GABRG3: variants seen among roughly 807,000 people sequenced by gnomAD.
The protein encoded by GABRG3 is gamma-aminobutyric acid type A receptor subunit gamma3.
In GABRG3, 25 loss-of-function variants were observed where a neutral mutation model predicts 48.8. The ratio of observed to expected loss-of-function variants is 0.51; its 90% confidence interval spans 0.37 to 0.72. The LOEUF is 0.72. Among genes scored for constraint, GABRG3 ranks in the 30% least tolerant of loss-of-function variants. The pLI is 0.00. For missense variants in GABRG3, 394 were observed against 577.9 expected, an observed-to-expected ratio of 0.68 and a Z score of 3.26; for synonymous variants, 227 against 217.6, an observed-to-expected ratio of 1.04 and a Z score of -0.38.
intron 3 of GABRG3, among the ~76,000 whole-genome samples, chr15:27,274,120 T>A (rs1001774070): frequency 6.6e-6 from 1 of 152,124 alleles, no homozygotes; most frequent in South Asian, 2.1e-4. Context: ...ACATAAGCAT[T>A]CCAGGAGGAC....
At chr15:27,124,158 A>ATC (rs1897778538) in intron 3 of GABRG3, among the ~76,000 whole-genome samples, 1 of 152,200 alleles carries the variant, frequency 6.6e-6, no homozygotes, top group Non-Finnish European at 1.5e-5. Flanking sequence ...CTGGGGACAA[A>ATC]TTGCAATGTC....
chr15:27,092,899 T>C (rs1430309733), intron 3 of GABRG3, among the ~76,000 whole-genome samples: 1 of 151,868 alleles, frequency 6.6e-6, no homozygotes, highest in Non-Finnish European at 1.5e-5. Context: ...CAGGGTCTTC[T>C]CCTTGAGTTT....
intron 3 of GABRG3, among the ~76,000 whole-genome samples, chr15:27,235,932 C>T (rs1281919109): frequency 6.6e-6 from 1 of 152,170 alleles, no homozygotes; most frequent in Non-Finnish European, 1.5e-5. Context: ...CCTCCTCTTC[C>T]TGCTGCAGAG....
intron 5 of GABRG3, among the ~76,000 whole-genome samples, chr15:27,375,837 C>A (rs1895577202): frequency 6.6e-6 from 1 of 152,080 alleles, no homozygotes; most frequent in African/African-American, 2.4e-5. Context: ...CACCCCTAGC[C>A]CCTCCGAAAT....
chr15:27,195,322 T>G (rs1186355036), intron 3 of GABRG3, among the ~76,000 whole-genome samples: 1 of 152,198 alleles, frequency 6.6e-6, no homozygotes, highest in East Asian at 1.9e-4. Flanking sequence ...TCTCCCTCTC[T>G]TTCTTTCTTT....
At chr15:26,984,714 G>T (rs1895120121) in intron 2 of GABRG3, among the ~76,000 whole-genome samples, 1 of 152,132 alleles carries the variant, frequency 6.6e-6, no homozygotes, top group African/African-American at 2.4e-5. Flanking sequence ...AAGAGAAATG[G>T]CCTAAGTAAA....
At chr15:26,999,699 T>C (rs1895408712) in intron 2 of GABRG3, among the ~76,000 whole-genome samples, 1 of 152,180 alleles carries the variant, frequency 6.6e-6, no homozygotes. Flanking sequence ...CTCAAATGTA[T>C]ATTTTTCTGG....
intron 3 of GABRG3, among the ~76,000 whole-genome samples, chr15:27,138,551 G>A (rs989041523): frequency 6.6e-5 from 10 of 152,094 alleles, no homozygotes; most frequent in Non-Finnish European, 1.5e-4. Context: ...TTCTGCATGC[G>A]GATTATCCTT....
chr15:27,366,892 G>C (rs1461718333), intron 5 of GABRG3, among the ~76,000 whole-genome samples: 1 of 152,158 alleles, frequency 6.6e-6, no homozygotes, highest in African/African-American at 2.4e-5. Context: ...TGTCTCTGCA[G>C]ATCTGCACCT....
intron 6 of GABRG3, among the ~76,000 whole-genome samples, chr15:27,505,300 G>A (rs1890735841): frequency 6.6e-6 from 1 of 152,064 alleles, no homozygotes; most frequent in Non-Finnish European, 1.5e-5. Flanking sequence ...TGTTAACCTT[G>A]ATCACTTGGT....
intron 3 of GABRG3, among the ~76,000 whole-genome samples, chr15:27,222,125 C>T (rs950026987): frequency 3.3e-5 from 5 of 152,324 alleles, no homozygotes; most frequent in African/African-American, 9.6e-5. Context: ...CACGTTCTTC[C>T]ACAGAAGATG....
At chr15:27,194,793 C>T (rs185138219) in intron 3 of GABRG3, among the ~76,000 whole-genome samples, 143 of 152,196 alleles carry the variant, frequency 9.4e-4, no homozygotes, top group South Asian at 1.7e-3. Flanking sequence ...ATATCTTTCT[C>T]CAAGTTTCAG....
intron 3 of GABRG3, among the ~76,000 whole-genome samples, chr15:27,098,582 T>C (rs1056746306): frequency 2.0e-5 from 3 of 152,160 alleles, no homozygotes; most frequent in Admixed American, 1.3e-4. Flanking sequence ...ATAAGAAGTT[T>C]GACAGTTGTC....
chr15:27,375,691 A>G (rs10152203), intron 5 of GABRG3, among the ~76,000 whole-genome samples: 23,809 of 152,060 alleles, frequency 0.16, 2,958 homozygotes, highest in African/African-American at 0.35. Flanking sequence ...CCATCAGGTC[A>G]TGTGAGACTT....
chr15:27,256,584 G>A (rs937366479), intron 3 of GABRG3, among the ~76,000 whole-genome samples: 3 of 152,138 alleles, frequency 2.0e-5, no homozygotes, highest in Admixed American at 1.3e-4. Flanking sequence ...TCTGAGGAGG[G>A]TGGGAACTCC....
At chr15:27,378,879 A>C (rs1895680712) in intron 5 of GABRG3, among the ~76,000 whole-genome samples, 1 of 152,218 alleles carries the variant, frequency 6.6e-6, no homozygotes, top group African/African-American at 2.4e-5. Flanking sequence ...GATTAAAAGA[A>C]AGGGAACTGG....
chr15:27,410,426 C>G (rs993807741), intron 5 of GABRG3, among the ~76,000 whole-genome samples: 8 of 152,032 alleles, frequency 5.3e-5, no homozygotes, highest in African/African-American at 1.9e-4. Context: ...CTATTTCATC[C>G]TTATTTGTTT....
At chr15:27,033,629 A>C (rs1196068604) in intron 3 of GABRG3, among the ~76,000 whole-genome samples, 2 of 152,008 alleles carry the variant, frequency 1.3e-5, no homozygotes, top group African/African-American at 4.8e-5. Flanking sequence ...CGAATTATGT[A>C]TTTCTTTTAG....
At chr15:27,268,166 A>G (rs1386039253) in intron 3 of GABRG3, among the ~76,000 whole-genome samples, 1 of 152,304 alleles carries the variant, frequency 6.6e-6, no homozygotes, top group African/African-American at 2.4e-5. Context: ...TCATCTTGAC[A>G]TGGAGTTTTT....
Sources: gnomAD v4.1 joint callset for allele counts (sites outside exome capture counted in the v4.1 genomes callset) on GRCh38, gnomAD v4.1.1 for gene constraint, MANE v1.5 for transcripts, NCBI Gene and HGNC (gene_info 2026-07-23, HGNC 2026-07-21) for gene names.